The following WWC2 variants were observed in gnomAD, a reference collection of about 807,000 sequenced individuals.
WWC2 encodes the protein WW and C2 domain containing 2.
WWC2 carries 101 observed loss-of-function variants against 138.5 expected under a neutral mutation model. The observed-to-expected ratio is 0.73, with a 90% CI of 0.62 to 0.86. The LOEUF (loss-of-function observed/expected upper bound fraction) is 0.86. Ranked by LOEUF, WWC2 falls within the 40% of genes least tolerant of loss-of-function variation. The pLI is 0.00. For synonymous variants in WWC2, 558 were observed against 538.4 expected (o/e 1.04, Z -0.50); for missense variants, 1,420 against 1,419.4 (o/e 1.00, Z -0.01).
chr4:183,202,341 C>T (rs1281606866), intron 2 of WWC2, among the ~76,000 whole-genome samples: 2 of 152,148 alleles, frequency 1.3e-5, no homozygotes. Context: ...TAAATTAGCC[C>T]TGGGAGGGGC....
intron 1 of WWC2, 23 bp downstream of exon 1, chr4:183,099,645 CG>C: frequency 7.8e-7 from 1 of 1,283,376 alleles, no homozygotes; most frequent in Non-Finnish European, 1.0e-6. Context: ...CGCGGGGGCG[CG>C]GGCCCGTTCG....
chr4:183,249,356 C>T (rs545676440), intron 7 of WWC2, among the ~76,000 whole-genome samples: 33 of 152,278 alleles, frequency 2.2e-4, no homozygotes, highest in African/African-American at 6.0e-4. Flanking sequence ...TTTACCTTCT[C>T]CATTTTGGGA....
At chr4:183,100,464 A>C (rs914042336) in intron 1 of WWC2, among the ~76,000 whole-genome samples, 1 of 152,212 alleles carries the variant, frequency 6.6e-6, no homozygotes, top group African/African-American at 2.4e-5. Flanking sequence ...GAATAATAGG[A>C]GGTATTCCTA....
intron 17 of WWC2, 86 bp from the exon 18 acceptor site, chr4:183,282,622 C>A: frequency 7.5e-7 from 1 of 1,325,220 alleles, no homozygotes; most frequent in Non-Finnish European, 1.1e-6. Flanking sequence ...CTGTTTATTT[C>A]CCAGATAACA....
At chr4:183,288,890 T>C (rs980793553) in intron 20 of WWC2, among the ~76,000 whole-genome samples, 5 of 152,238 alleles carry the variant, frequency 3.3e-5, no homozygotes, top group Non-Finnish European at 7.3e-5. Context: ...GTAGGAGTTA[T>C]GTGTCCTGAA....
intron 11 of WWC2, among the ~76,000 whole-genome samples, chr4:183,264,547 A>T (rs917095549): frequency 6.6e-6 from 1 of 152,160 alleles, no homozygotes; most frequent in Non-Finnish European, 1.5e-5. Context: ...GCATGTGGAG[A>T]GAAGGGGAGA....
At chr4:183,243,690 A>G (rs1371811981) in intron 5 of WWC2, among the ~76,000 whole-genome samples, 1 of 150,140 alleles carries the variant, frequency 6.7e-6, no homozygotes, top group East Asian at 2.0e-4. Flanking sequence ...CTTCATTTGG[A>G]AGAAATGTGA....
At chr4:183,163,823 CTA>C (rs1205031875) in intron 1 of WWC2, among the ~76,000 whole-genome samples, 4 of 152,064 alleles carry the variant, frequency 2.6e-5, no homozygotes, top group African/African-American at 9.7e-5. Flanking sequence ...TGTGATCTAG[CTA>C]TTGGGTGCCT....
rs575642549 is a variant in WWC2, at chr4:183,299,338, G to A, written c.3384+9703G>A. 5.8e-4 allele frequency among the ~76,000 whole-genome samples: 89 copies of A among 152,260 alleles called. 1 individual carries two copies. The highest frequency in any genetic ancestry group is 1.1e-3 in the Non-Finnish European group (75 of 68,016). On this transcript the variant is annotated intron_variant, in intron 21 of 22. Transcript: ENST00000403733. ...GAAAAACATTCAACCCGTAGCAGAT[G>A]CCAAGCCCGCTGCCCCTCCGTCTTT...
intron 6 of WWC2, among the ~76,000 whole-genome samples, chr4:183,248,018 A>G (rs1736854127): frequency 6.6e-6 from 1 of 151,806 alleles, no homozygotes; most frequent in African/African-American, 2.4e-5. Context: ...TTCCTTTTCA[A>G]TACTTTCACT....
Position 183,284,480 on chromosome 4 carries a change from A to G in WWC2, c.3048+90A>G, listed in dbSNP as rs945884416. The G allele has an allele frequency of 2.0e-4, 286 of 1,437,854 alleles. 1 individual carries two copies. The highest frequency in any genetic ancestry group is 4.9e-5 in the Non-Finnish European group (52 of 1,067,382). 89.1% of individuals were successfully genotyped at this position (1,437,854 alleles called of 1,614,324 possible). A position where few individuals can be genotyped will look rare whatever the true frequency, so the allele number is the denominator to read the frequency against. ...GCCTGCAAAGGACAAGAGACTGTGC[A>G]CTGGGAGTCCACATGACAACGACAA... On this transcript the variant is annotated intron_variant, in intron 19 of 22. Transcript: ENST00000403733.
At chr4:183,198,512 C>A (rs1488044831) in intron 2 of WWC2, among the ~76,000 whole-genome samples, 2 of 151,878 alleles carry the variant, frequency 1.3e-5, no homozygotes. Context: ...TATTTTACAT[C>A]GCAAATGGGA....
intron 8 of WWC2, among the ~76,000 whole-genome samples, chr4:183,251,888 A>G (rs6841933): frequency 0.037 from 5,606 of 152,268 alleles, 340 homozygotes; most frequent in African/African-American, 0.13. Flanking sequence ...TCCAGCCCTT[A>G]TTTTATGTGC....
chr4:183,173,171 A>G (rs1439939358), intron 1 of WWC2, among the ~76,000 whole-genome samples: 1 of 151,932 alleles, frequency 6.6e-6, no homozygotes, highest in Non-Finnish European at 1.5e-5. Context: ...CATCCTCCTG[A>G]GTAGCTGGGA....
chr4:183,131,516 T>G (rs2111072097), intron 1 of WWC2, among the ~76,000 whole-genome samples: 1 of 152,310 alleles, frequency 6.6e-6, no homozygotes, highest in Non-Finnish European at 1.5e-5. Context: ...TGTTTTTTCT[T>G]GATTGTTCAT....
intron 16 of WWC2, among the ~76,000 whole-genome samples, chr4:183,275,306 T>C (rs1228612456): frequency 6.6e-6 from 1 of 152,024 alleles, no homozygotes; most frequent in Non-Finnish European, 1.5e-5. Context: ...TATTTCTTTT[T>C]CTTGCCTATT....
intron 14 of WWC2, among the ~76,000 whole-genome samples, chr4:183,268,541 C>G (rs994325864): frequency 6.6e-6 from 1 of 152,172 alleles, no homozygotes; most frequent in African/African-American, 2.4e-5. Flanking sequence ...TCATCAGCAT[C>G]TCTTGTTTAA....
intron 22 of WWC2, among the ~76,000 whole-genome samples, chr4:183,315,317 AT>A (rs967277597): frequency 2.0e-5 from 3 of 152,026 alleles, no homozygotes; most frequent in African/African-American, 7.3e-5. Flanking sequence ...TCCAGGTAGG[AT>A]TTTGGGCCTT....
intron 4 of WWC2, among the ~76,000 whole-genome samples, chr4:183,239,641 T>C (rs796186956): frequency 2.6e-5 from 4 of 152,312 alleles, no homozygotes; most frequent in African/African-American, 9.6e-5. Context: ...TTTCAGCTCC[T>C]GAAAAATACT....
Sources: allele counts gnomAD v4.1 joint callset (sites outside exome capture counted in the v4.1 genomes callset), GRCh38; gene constraint gnomAD v4.1.1; transcripts MANE v1.5; gene names NCBI Gene and HGNC (gene_info 2026-07-23, HGNC 2026-07-21).